ADGRG2: variants seen among roughly 807,000 people sequenced by gnomAD.
ADGRG2 encodes adhesion G protein-coupled receptor G2.
Under a neutral mutation model 74.1 loss-of-function variants are expected in ADGRG2, and 26 were observed. That is an observed-to-expected ratio of 0.35 (90% CI 0.26 to 0.49). ADGRG2 has a LOEUF of 0.49. ADGRG2 is among the 20% of genes least tolerant of loss of function. ADGRG2 has a pLI of 0.99. For missense variants in ADGRG2, 619 were observed against 763.1 expected, an observed-to-expected ratio of 0.81 and a Z score of 2.22; for synonymous variants, 296 against 295.2, an observed-to-expected ratio of 1.00 and a Z score of -0.03.
At chrX:18,996,937 G>A (rs1055598164) in intron 26 of ADGRG2, among the ~76,000 whole-genome samples, 3 of 111,626 alleles carry the variant, frequency 2.7e-5, no homozygotes, top group African/African-American at 9.8e-5. Context: ...AAGATACCAG[G>A]GGCCAGGCGT....
chrX:19,078,183 T>C lies in ADGRG2; in HGVS notation c.-2+4519A>G, dbSNP rs945301283. Among the ~76,000 whole-genome samples the C allele has an allele frequency of 4.5e-5, 5 of 111,891 alleles. No individual in the cohort carries two copies. The Admixed American group carries it at 4.7e-4, about 11-fold the overall frequency. ...GCATGTTCTTTGACCACAACACAAT[T>C]AAGGTGTAATAACAAAAAGTTAGAT... On this transcript the variant is annotated intron_variant, in intron 2 of 28. Coordinates refer to ENST00000379869, the MANE Select transcript of ADGRG2 (RefSeq NM_001079858.3).
chrX:19,085,149 T>G (rs1396553604), intron 1 of ADGRG2, among the ~76,000 whole-genome samples: 1 of 111,512 alleles, frequency 9.0e-6, no homozygotes, highest in Non-Finnish European at 1.9e-5. Context: ...CATTAGTAGA[T>G]GAAGAGTTAA....
intron 3 of ADGRG2, among the ~76,000 whole-genome samples, chrX:19,066,005 C>A (rs1323748529): frequency 8.9e-6 from 1 of 111,835 alleles, no homozygotes; most frequent in African/African-American, 3.2e-5. Flanking sequence ...CACCACCACG[C>A]CCGGCTAATT....
intron 24 of ADGRG2, among the ~76,000 whole-genome samples, chrX:19,000,313 A>T (rs2060105060): frequency 9.0e-6 from 1 of 111,722 alleles, no homozygotes; most frequent in South Asian, 3.7e-4. Flanking sequence ...ACCTAGTTCT[A>T]ATAACCAAAG....
At chrX:19,106,191 A>C (rs973103388) in intron 1 of ADGRG2, among the ~76,000 whole-genome samples, 1 of 110,690 alleles carries the variant, frequency 9.0e-6, no homozygotes, top group East Asian at 2.8e-4. Context: ...GGATCCACTG[A>C]CTTGCATCAG....
chrX:19,004,652 G>T, intron 23 of ADGRG2, 106 bp downstream of exon 23: 2 of 721,867 alleles, frequency 2.8e-6, no homozygotes, highest in Non-Finnish European at 4.1e-6. Context: ...TCCACTAGCT[G>T]GGTGTACAGG....
At chrX:19,091,351 G>A (rs1298027822) in intron 1 of ADGRG2, among the ~76,000 whole-genome samples, 1 of 110,306 alleles carries the variant, frequency 9.1e-6, no homozygotes, top group Non-Finnish European at 1.9e-5. Flanking sequence ...TGAATAGGAG[G>A]GGGTCTTAGT....
intron 1 of ADGRG2, among the ~76,000 whole-genome samples, chrX:19,091,520 AC>A (rs1421976084): frequency 1.1e-4 from 12 of 110,208 alleles, no homozygotes; most frequent in African/African-American, 3.3e-4. Flanking sequence ...ACACACACAC[AC>A]ACACACACAC....
In ADGRG2 at chrX:19,008,059, A is replaced by G. The variant is rs1374847647; in HGVS notation, c.1487T>C (p.Met496Thr). The G allele has an allele frequency of 1.7e-6, 2 of 1,197,895 alleles. No homozygotes were observed. The highest frequency in any genetic ancestry group is 3.5e-5 in the South Asian group (2 of 56,493). ...CATGTCATGAGCTGGTAAATTATTC[A>G]TCAGCGATGAAGGAAGAGTAATTGT... ...IGTITLPSSL[M>T]NNLPAHDMEL... The change falls in exon 19 of 29, where the codon ATG becomes ACG. Residue 496 changes from methionine to threonine, a missense_variant. Around this residue, in one of 3 missense-constraint regions of ADGRG2, gnomAD observed 221 missense variants for 340.6 expected, o/e 0.65. Transcript: ENST00000379869.
intron 3 of ADGRG2, among the ~76,000 whole-genome samples, chrX:19,051,706 C>A (rs1015184005): frequency 1.8e-5 from 2 of 111,426 alleles, no homozygotes; most frequent in Non-Finnish European, 3.8e-5. Context: ...ATCCTTAGAA[C>A]TCAGGCCATG....
chrX:19,035,039 A>G (rs1462209016), intron 7 of ADGRG2: 2 of 112,472 alleles, frequency 1.8e-5, no homozygotes, highest in East Asian at 2.8e-4. Flanking sequence ...TTTGGTAACT[A>G]AAGTGCTCTG....
In ADGRG2 at chrX:19,010,602, C is replaced by G. The variant is rs766650728; in HGVS notation, c.1265+11G>C. On this transcript the variant is annotated intron_variant, in intron 17 of 28. Coordinates refer to ENST00000379869, the MANE Select transcript of ADGRG2 (RefSeq NM_001079858.3). ...CCCCTCTTACCACCACTTCAGTTTG[C>G]GAAGTCGTACCTTTGAGCCAGAGGG... The G allele has an allele frequency of 3.6e-5, 43 of 1,193,515 alleles. No homozygotes were observed. Among genetic ancestry groups the G allele is most frequent in the Non-Finnish European group, 4.6e-5 (41 of 884,258 alleles).
intron 28 of ADGRG2, among the ~76,000 whole-genome samples, chrX:18,991,646 A>G (rs753946745): frequency 7.4e-4 from 83 of 112,157 alleles, no homozygotes; most frequent in Non-Finnish European, 1.3e-3. Context: ...TTCCAACTTC[A>G]GAGTCCAGGC....
intron 15 of ADGRG2, 55 bp from the exon 16 acceptor site, chrX:19,014,129 G>C: frequency 1.0e-6 from 1 of 969,232 alleles, no homozygotes; most frequent in Non-Finnish European, 1.4e-6. Context: ...TACAGAGGGG[G>C]CAAGTCTTTC....
intron 2 of ADGRG2, among the ~76,000 whole-genome samples, chrX:19,073,603 A>C (rs960246132): frequency 2.7e-5 from 3 of 111,892 alleles, no homozygotes; most frequent in Non-Finnish European, 5.6e-5. Context: ...ATATTTTTGA[A>C]ATATATATCA....
intron 3 of ADGRG2, among the ~76,000 whole-genome samples, chrX:19,054,167 T>C (rs1289706822): frequency 1.8e-5 from 2 of 112,188 alleles, no homozygotes; most frequent in African/African-American, 6.5e-5. Flanking sequence ...TCCACTCCAG[T>C]TTCTTTTCTC....
chrX:19,028,639 G>A (rs2060757467), intron 9 of ADGRG2, among the ~76,000 whole-genome samples: 1 of 109,032 alleles, frequency 9.2e-6, no homozygotes, highest in African/African-American at 3.4e-5. Context: ...ATACTCTAAC[G>A]ACAACTGATG....
chrX:19,033,337 T>C, intron 8 of ADGRG2: 1 of 235,204 alleles, frequency 4.3e-6, no homozygotes, highest in South Asian at 1.1e-4. Context: ...TGCCTTTATC[T>C]GCATGCATGT....
At chrX:18,999,766 TAGC>T in intron 25 of ADGRG2, 92 bp downstream of exon 25, 2 of 575,293 alleles carry the variant, frequency 3.5e-6, no homozygotes, top group South Asian at 4.7e-5. Flanking sequence ...ATTAGGATGA[TAGC>T]AGGAGTCAAT....
Sources: allele counts gnomAD v4.1 joint callset (sites outside exome capture counted in the v4.1 genomes callset), GRCh38; gene constraint gnomAD v4.1.1; regional missense constraint gnomAD v4.1.1; transcripts MANE v1.5; gene names NCBI Gene and HGNC (gene_info 2026-07-23, HGNC 2026-07-21).